RAPGEF1: variants seen among roughly 807,000 people sequenced by gnomAD.
The protein encoded by RAPGEF1 is CRK SH3-binding GNRP.
Under a neutral mutation model 143.3 loss-of-function variants are expected in RAPGEF1, and 33 were observed. The ratio of observed to expected loss-of-function variants is 0.23; its 90% CI spans 0.17 to 0.31. The LOEUF (loss-of-function observed/expected upper bound fraction) is 0.31. Ranked by LOEUF, RAPGEF1 falls within the 10% of genes least tolerant of loss-of-function variation. The probability of loss-of-function intolerance (pLI) is 1.00; values close to 1 mark genes in which losing one functional copy is unlikely to be tolerated. For missense variants in RAPGEF1, 1,199 were observed against 1,645.4 expected, an observed-to-expected ratio of 0.73 and a Z score of 4.69; for synonymous variants, 629 against 676.5, an observed-to-expected ratio of 0.93 and a Z score of 1.09.
intron 1 of RAPGEF1, among the ~76,000 whole-genome samples, chr9:131,690,984 T>C (rs1164886315): frequency 6.6e-6 from 1 of 152,228 alleles, no homozygotes. Context: ...TCTTTCTTTC[T>C]AGATAATTGG....
intron 1 of RAPGEF1, among the ~76,000 whole-genome samples, chr9:131,729,275 T>A (rs1836866577): frequency 7.3e-6 from 1 of 136,122 alleles, no homozygotes; most frequent in Non-Finnish European, 1.5e-5. Context: ...CCAAGGGCAC[T>A]GACGCCTCAG....
Position 131,655,686 on chromosome 9 carries a change from G to A in RAPGEF1, c.62-4737C>T, listed in dbSNP as rs1270179801. ...CAGGAGAATGGCGTGAATCCAGGAG[G>A]CAGAGCATGCAGTGCAAGATTGCAC... On this transcript the variant is annotated intron_variant, in intron 1 of 26. Transcript: ENST00000683357. The surrounding 1 kb of genome is among the most constrained non-coding windows in gnomAD (Gnocchi z 4.1). 6.6e-6 allele frequency among the ~76,000 whole-genome samples: 1 copy of A among 152,174 alleles called. No homozygotes were observed. The highest frequency in any genetic ancestry group is 1.5e-5 in the Non-Finnish European group (1 of 68,022).
chr9:131,618,673 TGAG>T (rs1351790195), intron 12 of RAPGEF1, among the ~76,000 whole-genome samples: 1 of 152,208 alleles, frequency 6.6e-6, no homozygotes, highest in Non-Finnish European at 1.5e-5. Flanking sequence ...CTCAGCCTCC[TGAG>T]GAGTGGGGAC....
chr9:131,713,136 A>T (rs922093633), intron 1 of RAPGEF1, among the ~76,000 whole-genome samples: 1 of 152,234 alleles, frequency 6.6e-6, no homozygotes, highest in Non-Finnish European at 1.5e-5. Context: ...CAGAAGCAGA[A>T]GGCTGACTGC....
intron 1 of RAPGEF1, among the ~76,000 whole-genome samples, chr9:131,679,075 G>A (rs917190880): frequency 4.0e-5 from 6 of 151,488 alleles, no homozygotes; most frequent in African/African-American, 1.2e-4. Flanking sequence ...GGGGTGGGGG[G>A]AAATGATGAG....
At chr9:131,676,348 C>T (rs1023940455) in intron 1 of RAPGEF1, among the ~76,000 whole-genome samples, 4 of 152,230 alleles carry the variant, frequency 2.6e-5, no homozygotes, top group Non-Finnish European at 5.9e-5. Flanking sequence ...CACCATGGGA[C>T]ATGGGAATCA....
chr9:131,612,771 C>A (rs1304152908), intron 12 of RAPGEF1, among the ~76,000 whole-genome samples: 2 of 152,198 alleles, frequency 1.3e-5, no homozygotes, highest in Non-Finnish European at 2.9e-5. Context: ...TGGAAAAGCA[C>A]AGGGGGAACG....
intron 1 of RAPGEF1, among the ~76,000 whole-genome samples, chr9:131,695,996 C>T (rs1319888932): frequency 6.6e-6 from 1 of 152,224 alleles, no homozygotes; most frequent in Non-Finnish European, 1.5e-5. Context: ...GAAGATGTCT[C>T]ATGAAGCTGC....
intron 1 of RAPGEF1, among the ~76,000 whole-genome samples, chr9:131,714,344 T>TA (rs1835711849): frequency 6.6e-6 from 1 of 151,744 alleles, no homozygotes. Context: ...TTTTTTTTTT[T>TA]AGATAGAAAT....
chr9:131,703,439 C>A (rs1297849296), intron 1 of RAPGEF1, among the ~76,000 whole-genome samples: 2 of 152,164 alleles, frequency 1.3e-5, no homozygotes, highest in African/African-American at 4.8e-5. Context: ...GGCCTAAAAG[C>A]AATAACAATA....
At chr9:131,711,225 A>C (rs923595846) in intron 1 of RAPGEF1, among the ~76,000 whole-genome samples, 2 of 151,316 alleles carry the variant, frequency 1.3e-5, no homozygotes, top group African/African-American at 4.9e-5. Context: ...TAATTTTTAA[A>C]TTTTTTTGTA....
chr9:131,615,518 AG>A (rs1253748711), intron 12 of RAPGEF1, among the ~76,000 whole-genome samples: 1 of 152,140 alleles, frequency 6.6e-6, no homozygotes, highest in Non-Finnish European at 1.5e-5. Context: ...AACTCGTGGG[AG>A]GTGCTGGTGA....
At chr9:131,586,257 AAC>A (rs55722149) in intron 22 of RAPGEF1, among the ~76,000 whole-genome samples, 28,255 of 91,080 alleles carry the variant, frequency 0.31, 4,777 homozygotes, top group Non-Finnish European at 0.4. Context: ...CTCTGTCTCA[AAC>A]ACACACACAC....
chr9:131,578,491 G>C lies in RAPGEF1; in HGVS notation c.*1006C>G, dbSNP rs1951436655. On this transcript the variant is annotated 3_prime_UTR_variant, in exon 27 of 27. Coordinates refer to ENST00000683357, the MANE Select transcript of RAPGEF1 (RefSeq NM_001377935.1). ...TGGCTGAAAGGTCTGAAGAGCCAGAGGAGGAGCCCTGCTGGCTGGCCCAGG... is the reference window on the plus strand; with the variant it reads ...TGGCTGAAAGGTCTGAAGAGCCAGACGAGGAGCCCTGCTGGCTGGCCCAGG... 1 of 152,570 alleles carries C rather than the reference G, an allele frequency of 6.6e-6. No homozygotes were observed. The highest frequency in any genetic ancestry group is 2.1e-4 in the South Asian group (1 of 4,832). 9.5% of individuals were successfully genotyped at this position (152,570 alleles called of 1,614,324 possible).
rs1419856927 is a variant in RAPGEF1 at position 131,628,051 on chromosome 9, T to C, written c.1063A>G (p.Ser355Gly). ...CYAQRRLSGG[S>G]HSYGGESPRL... Reference sequence around the variant, plus strand: ...GGCGACTCTCCACCATATGAGTGGCTGCCTCCTGACAGTCGCCTCTGTGCG... The same window carrying C: ...GGCGACTCTCCACCATATGAGTGGCCGCCTCCTGACAGTCGCCTCTGTGCG... Residue 355 changes from serine (S) to glycine (G), a missense_variant, in exon 9 of 27, where the codon AGC (serine) becomes GGC (glycine). Coordinates refer to ENST00000683357, the MANE Select transcript of RAPGEF1 (RefSeq NM_001377935.1). This position sits in a 1 kb window ranked among gnomAD's most constrained non-coding sequence, Gnocchi z 5.7. 28 of 1,569,820 alleles carry C rather than the reference T, an allele frequency of 1.8e-5. No homozygotes were observed. Among genetic ancestry groups the C allele is most frequent in the Non-Finnish European group, 2.4e-5 (28 of 1,157,892 alleles).
chr9:131,685,056 C>T (rs1484713643), intron 1 of RAPGEF1, among the ~76,000 whole-genome samples: 1 of 152,050 alleles, frequency 6.6e-6, no homozygotes, highest in Non-Finnish European at 1.5e-5. Context: ...TCACCACTGC[C>T]GTGAGTATTC....
rs1019345888 is a variant in RAPGEF1, at chr9:131,687,627, C to T, written c.62-36678G>A. On this transcript the variant is annotated intron_variant, in intron 1 of 26. Transcript: ENST00000683357. ...TTTTAATGGGAAGAAGCAAAGGAAACGCATGGAGGCAATGCAGCCACTTGT... is the reference window on the plus strand; with the variant it reads ...TTTTAATGGGAAGAAGCAAAGGAAATGCATGGAGGCAATGCAGCCACTTGT... 3.3e-5 allele frequency among the ~76,000 whole-genome samples: 5 copies of T among 152,248 alleles called. No homozygotes were observed. In the South Asian group the frequency reaches 8.3e-4, roughly 25 times the overall value.
intron 1 of RAPGEF1, among the ~76,000 whole-genome samples, chr9:131,729,923 A>G (rs199682950): frequency 2.8e-4 from 43 of 152,326 alleles, no homozygotes; most frequent in East Asian, 2.3e-3. Context: ...GGCTGGGCGC[A>G]GTGGCTCACG....
At chr9:131,630,094 A>T (rs1262375922) in intron 6 of RAPGEF1, 142 bp downstream of exon 6, 1 of 670,584 alleles carries the variant, frequency 1.5e-6, no homozygotes, top group African/African-American at 1.8e-5. Flanking sequence ...AAATATACAC[A>T]CACTGCTAAC....
Sources: allele counts gnomAD v4.1 joint callset (sites outside exome capture counted in the v4.1 genomes callset), GRCh38; gene constraint gnomAD v4.1.1; non-coding constraint Gnocchi (gnomAD v3.1); transcripts MANE v1.5; gene names NCBI Gene and HGNC (gene_info 2026-07-23, HGNC 2026-07-21).